The following SPAG16 variants were observed in gnomAD, a reference collection of about 807,000 sequenced individuals.
SPAG16 encodes sperm associated antigen 16.
In SPAG16, 86 loss-of-function variants were observed where a neutral mutation model predicts 80.4. The ratio of observed to expected loss-of-function variants is 1.07; its 90% confidence interval spans 0.90 to 1.28. The LOEUF is 1.28. Among genes scored for constraint, SPAG16 ranks in the 50% most tolerant of loss-of-function variants. The probability of loss-of-function intolerance (pLI) is 0.00; values close to 1 mark genes in which losing one functional copy is unlikely to be tolerated. For synonymous variants in SPAG16, 294 were observed against 265.9 expected (o/e 1.11, Z -1.03); for missense variants, 870 against 765.3 (o/e 1.14, Z -1.61).
intron 9 of SPAG16, among the ~76,000 whole-genome samples, chr2:213,472,049 A>T (rs1015172942): frequency 1.3e-5 from 2 of 152,220 alleles, no homozygotes; most frequent in Non-Finnish European, 2.9e-5. Flanking sequence ...CTTCTTGCTC[A>T]CTGGATTTCA....
chr2:213,670,961 C>T (rs1255609394), intron 10 of SPAG16, among the ~76,000 whole-genome samples: 1 of 152,156 alleles, frequency 6.6e-6, no homozygotes, highest in Non-Finnish European at 1.5e-5. Flanking sequence ...CAGAGACCTG[C>T]CCTACAAATC....
intron 15 of SPAG16, among the ~76,000 whole-genome samples, chr2:214,185,210 A>G (rs184557596): frequency 6.6e-6 from 1 of 152,122 alleles, no homozygotes; most frequent in African/African-American, 2.4e-5. Flanking sequence ...AGACAATTCA[A>G]GAAAATAACC....
intron 15 of SPAG16, among the ~76,000 whole-genome samples, chr2:214,200,290 TC>T (rs1318923111): frequency 1.3e-5 from 2 of 152,182 alleles, no homozygotes; most frequent in Non-Finnish European, 2.9e-5. Flanking sequence ...AGGGTTTTGA[TC>T]ATAAAGGGAT....
intron 10 of SPAG16, among the ~76,000 whole-genome samples, chr2:213,564,858 G>T (rs972169848): frequency 6.6e-5 from 10 of 152,146 alleles, no homozygotes; most frequent in Admixed American, 2.0e-4. Flanking sequence ...CTTGCCCAAG[G>T]TGAAACAGCT....
At chr2:213,719,677 T>G (rs2066427370) in intron 10 of SPAG16, among the ~76,000 whole-genome samples, 1 of 152,128 alleles carries the variant, frequency 6.6e-6, no homozygotes, top group Non-Finnish European at 1.5e-5. Context: ...CATTAAAAAG[T>G]CAGGAAACAA....
chr2:213,359,497 C>T (rs1459174080), intron 7 of SPAG16, among the ~76,000 whole-genome samples: 4 of 152,212 alleles, frequency 2.6e-5, no homozygotes, highest in Non-Finnish European at 5.9e-5. Flanking sequence ...GCCCCTCCTC[C>T]CACCAGGCTG....
intron 5 of SPAG16, among the ~76,000 whole-genome samples, chr2:213,335,304 A>C (rs2064299173): frequency 6.6e-6 from 1 of 152,186 alleles, no homozygotes; most frequent in South Asian, 2.1e-4. Context: ...GAAGATGGAC[A>C]TGTATTCCTA....
At chr2:213,984,094 G>A (rs1306816297) in intron 12 of SPAG16, among the ~76,000 whole-genome samples, 1 of 152,068 alleles carries the variant, frequency 6.6e-6, no homozygotes, top group Non-Finnish European at 1.5e-5. Context: ...ATTGAATGCT[G>A]CTTATATCAT....
At chr2:213,577,978 CT>C (rs1341294421) in intron 10 of SPAG16, among the ~76,000 whole-genome samples, 1 of 151,986 alleles carries the variant, frequency 6.6e-6, no homozygotes, top group Non-Finnish European at 1.5e-5. Context: ...GATTTTTGCT[CT>C]GCAATAACTA....
At chr2:214,093,696 ATTAAC>A (rs1407526942) in intron 13 of SPAG16, among the ~76,000 whole-genome samples, 2 of 152,092 alleles carry the variant, frequency 1.3e-5, no homozygotes, top group Non-Finnish European at 2.9e-5. Context: ...GAGTATAGCT[ATTAAC>A]TTAATGCTCT....
chr2:213,626,958 C>A (rs1574548263), intron 10 of SPAG16, among the ~76,000 whole-genome samples: 1 of 152,144 alleles, frequency 6.6e-6, no homozygotes, highest in African/African-American at 2.4e-5. Flanking sequence ...TGAATTTTTT[C>A]TTTTTAGACC....
At chr2:213,646,532 G>C (rs4275972) in intron 10 of SPAG16, among the ~76,000 whole-genome samples, 3 of 152,066 alleles carry the variant, frequency 2.0e-5, no homozygotes, top group Non-Finnish European at 4.4e-5. Context: ...GGACTTAATA[G>C]TGATTAGAGA....
At chr2:213,853,348 C>A (rs551368752) in intron 10 of SPAG16, among the ~76,000 whole-genome samples, 1 of 152,266 alleles carries the variant, frequency 6.6e-6, no homozygotes, top group Admixed American at 6.5e-5. Flanking sequence ...AAAATATCCT[C>A]TCGTAATGCC....
At chr2:213,804,169 C>T (rs2071596070) in intron 10 of SPAG16, among the ~76,000 whole-genome samples, 1 of 152,086 alleles carries the variant, frequency 6.6e-6, no homozygotes, top group South Asian at 2.1e-4. Flanking sequence ...AGGTCTTGGC[C>T]CTCATACAAT....
intron 13 of SPAG16, among the ~76,000 whole-genome samples, chr2:214,028,580 C>T (rs999805104): frequency 6.6e-6 from 1 of 151,812 alleles, no homozygotes; most frequent in Non-Finnish European, 1.5e-5. Flanking sequence ...ATAACAAATG[C>T]CTCAACCCAA....
intron 9 of SPAG16, among the ~76,000 whole-genome samples, chr2:213,484,317 A>G (rs1231064558): frequency 6.6e-6 from 1 of 152,216 alleles, no homozygotes; most frequent in African/African-American, 2.4e-5. Context: ...AGACAAACAT[A>G]AAGGTCAAGT....
chr2:213,803,007 G>T (rs375026843), intron 10 of SPAG16, among the ~76,000 whole-genome samples: 1 of 152,068 alleles, frequency 6.6e-6, no homozygotes, highest in Non-Finnish European at 1.5e-5. Context: ...GGCAGTGTAC[G>T]TAGGAATCTT....
rs188636534 is a variant in SPAG16, at chr2:213,896,044, T to G, written c.1214+33416T>G. Among the ~76,000 whole-genome samples the G allele has an allele frequency of 1.2e-4, 19 of 152,058 alleles. No homozygotes were observed. In the East Asian group the frequency reaches 3.3e-3, roughly 26 times the overall value. ...TAGAATGGAAGAAAATATTTGCAAATTATCCATCTGATGGAATTAATAACC... is the reference window on the plus strand; with the variant it reads ...TAGAATGGAAGAAAATATTTGCAAAGTATCCATCTGATGGAATTAATAACC... On this transcript the variant is annotated intron_variant, in intron 11 of 15. Transcript: ENST00000331683.
At chr2:213,771,561 T>A (rs1402906566) in intron 10 of SPAG16, among the ~76,000 whole-genome samples, 1 of 152,206 alleles carries the variant, frequency 6.6e-6, no homozygotes, top group Non-Finnish European at 1.5e-5. Context: ...GCCTAGATTT[T>A]CTTCTAGGGT....
Sources: allele counts gnomAD v4.1 joint callset (sites outside exome capture counted in the v4.1 genomes callset), GRCh38; gene constraint gnomAD v4.1.1; transcripts MANE v1.5; gene names NCBI Gene and HGNC (gene_info 2026-07-23, HGNC 2026-07-21).